The following DLG5 variants were observed in gnomAD, a reference collection of about 807,000 sequenced individuals.
The protein encoded by DLG5 is disks large homolog 5.
A neutral mutation model predicts 189.8 loss-of-function variants in DLG5; 48 were observed. The observed-to-expected ratio is 0.25, with a 90% confidence interval of 0.20 to 0.32. The LOEUF (loss-of-function observed/expected upper bound fraction) is 0.32. Among genes scored for constraint, DLG5 ranks in the 10% least tolerant of loss-of-function variants. DLG5 has a pLI of 1.00. For synonymous variants in DLG5, 1,016 were observed against 1,054.1 expected (o/e 0.96, Z 0.70); for missense variants, 2,160 against 2,544.7 (o/e 0.85, Z 3.25).
intron 2 of DLG5, among the ~76,000 whole-genome samples, chr10:77,860,300 T>C (rs963703374): frequency 1.3e-5 from 2 of 152,114 alleles, no homozygotes; most frequent in African/African-American, 4.8e-5. Flanking sequence ...TTTTTTTGGT[T>C]GGTTTTGTTT....
At chr10:77,871,531 T>C in intron 1 of DLG5, among the ~76,000 whole-genome samples, 1 of 134,540 alleles carries the variant, frequency 7.4e-6, no homozygotes, top group African/African-American at 2.7e-5. Flanking sequence ...ACAATAAGCA[T>C]CACACTTTTT....
intron 26 of DLG5, 40 bp downstream of exon 26, chr10:77,806,718 A>AGGCCGCCCC: frequency 7.5e-7 from 1 of 1,333,654 alleles, no homozygotes; most frequent in Non-Finnish European, 1.1e-6. Flanking sequence ...GCCCTCGGCG[A>AGGCCGCCCC]CCCCTGCCCC....
chr10:77,854,173 C>A, intron 4 of DLG5, 54 bp downstream of exon 4: 1 of 1,593,970 alleles, frequency 6.3e-7, no homozygotes, highest in South Asian at 1.1e-5. Context: ...AAAAGAAGGG[C>A]AAAGGCAGCT....
intron 27 of DLG5, among the ~76,000 whole-genome samples, chr10:77,804,965 G>C (rs1302503066): frequency 6.6e-6 from 1 of 152,066 alleles, no homozygotes; most frequent in Non-Finnish European, 1.5e-5. Context: ...GCTAAAACAT[G>C]CCTTTTCTTT....
chr10:77,818,290 C>T (rs562787028), intron 17 of DLG5, among the ~76,000 whole-genome samples: 57 of 152,226 alleles, frequency 3.7e-4, no homozygotes, highest in South Asian at 1.0e-3. Context: ...GTGCCTCACT[C>T]GGGACAGCGT....
At position 77,799,336 on chromosome 10, in the gene DLG5, G is replaced by A. The variant is rs150342957; in HGVS notation, c.5165-2742C>T. 4.9e-3 allele frequency among the ~76,000 whole-genome samples: 751 copies of A among 152,262 alleles called. 5 individuals carry two copies. Among genetic ancestry groups the A allele is most frequent in the African/African-American group, 0.013 (528 of 41,532 alleles). On this transcript the variant is annotated intron_variant, in intron 27 of 31. Transcript: ENST00000372391. ...CCTAAGCCCCAGTGTGACTACCTTTGGAGACGGAGTCTTCAGGAGGTAAGT... is the reference window on the plus strand; with the variant it reads ...CCTAAGCCCCAGTGTGACTACCTTTAGAGACGGAGTCTTCAGGAGGTAAGT...
At chr10:77,795,803 C>A (rs183808768) in intron 29 of DLG5, among the ~76,000 whole-genome samples, 167 of 152,300 alleles carry the variant, frequency 1.1e-3, no homozygotes, top group Non-Finnish European at 1.9e-3. Flanking sequence ...AGATGAGACC[C>A]CCCGCACCTG....
At chr10:77,878,043 C>T (rs1016011226) in intron 1 of DLG5, among the ~76,000 whole-genome samples, 1 of 152,242 alleles carries the variant, frequency 6.6e-6, no homozygotes, top group Non-Finnish European at 1.5e-5. Flanking sequence ...AGGCAGGAAG[C>T]AGCTCTCTGA....
rs1272295188 is a variant in DLG5, at chr10:77,821,164, C to T, written c.3320G>A (p.Gly1107Glu). Residue 1107 changes from glycine (G) to glutamate (E), a missense_variant, in exon 15 of 32, where the codon GGG (glycine) becomes GAG (glutamate). Around this residue, in one of 5 missense-constraint regions of DLG5, gnomAD observed 754 missense variants for 746.5 expected, o/e 1.01. Transcript: ENST00000372391. Reference sequence around the variant, plus strand: ...AGATTTTGGCCGGCGACGCTTCTGCCCCAGCTCATCCACCTTCTGGGAGGT... The same window carrying T: ...AGATTTTGGCCGGCGACGCTTCTGCTCCAGCTCATCCACCTTCTGGGAGGT... ...DLTSQKVDEL[G>E]QKRRRPKSAP... The T allele has an allele frequency of 3.1e-6, 5 of 1,614,044 alleles. No individual in the cohort carries two copies. The African/African-American group carries it at 6.7e-5, about 22-fold the overall frequency.
chr10:77,810,947 C>T (rs1841735268), intron 23 of DLG5, 147 bp downstream of exon 23: 6 of 944,516 alleles, frequency 6.4e-6, no homozygotes, highest in Non-Finnish European at 7.6e-6. Flanking sequence ...AAAGGAATGC[C>T]GTGCTCCCGG....
intron 1 of DLG5, among the ~76,000 whole-genome samples, chr10:77,873,351 G>A (rs2154577173): frequency 6.6e-6 from 1 of 152,262 alleles, no homozygotes; most frequent in Middle Eastern, 3.4e-3. Context: ...GAGTCCACAG[G>A]TGGGATGCAC....
chr10:77,844,318 T>G (rs1436991325), intron 5 of DLG5, among the ~76,000 whole-genome samples: 1 of 152,216 alleles, frequency 6.6e-6, no homozygotes, highest in East Asian at 1.9e-4. Flanking sequence ...AGGAGAGGAT[T>G]CTTGGAAACT....
rs533108661 is a variant in DLG5, at chr10:77,836,029, G to T, written c.1438-107C>A. ...AGGCTGAGGCTCTAGGGAGCTGGATGGAGGGAAACACGGAGCCCATCGCAG... is the reference window on the plus strand; with the variant it reads ...AGGCTGAGGCTCTAGGGAGCTGGATTGAGGGAAACACGGAGCCCATCGCAG... On this transcript the variant is annotated intron_variant, in intron 7 of 31. Transcript: ENST00000372391. 10 of 1,216,262 alleles carry T rather than the reference G, an allele frequency of 8.2e-6. No homozygotes were observed. The Admixed American group carries it at 1.9e-4, about 24-fold the overall frequency. The allele number at this position is 1,216,262 out of a possible 1,614,324, so 75.3% of individuals were successfully genotyped here.
chr10:77,888,385 C>T (rs1394196101), intron 1 of DLG5, among the ~76,000 whole-genome samples: 3 of 152,152 alleles, frequency 2.0e-5, no homozygotes, highest in Non-Finnish European at 2.9e-5. Context: ...GCACCTCTTC[C>T]CTCGGGTGAC....
chr10:77,864,239 A>G (rs1844584630), intron 2 of DLG5, among the ~76,000 whole-genome samples: 1 of 152,154 alleles, frequency 6.6e-6, no homozygotes, highest in South Asian at 2.1e-4. Flanking sequence ...CCTTGGTCTT[A>G]CAGCTGGGCA....
At position 77,830,828 on chromosome 10, in the gene DLG5, C is replaced by G. The variant is rs1842862409; in HGVS notation, c.1794G>C (p.Gln598His). 1 of 1,614,230 alleles carries G rather than the reference C, an allele frequency of 6.2e-7. No individual in the cohort carries two copies. Among genetic ancestry groups the G allele is most frequent in the Non-Finnish European group, 8.5e-7 (1 of 1,180,044 alleles). The change falls in exon 10 of 32, where the codon CAG (glutamine) becomes CAC (histidine). Residue 598 changes from glutamine to histidine, a missense_variant. Transcript: ENST00000372391. ...SQLEKEARFR[Q>H]LMAHSSHDSA... ...AGTCGTGGGAGCTGTGGGCCATCAG[C>G]TGTCGGAACCGGGCCTCCTTTTCCA...
Position 77,806,738 on chromosome 10 carries a change from C to CCCCCCCCCCCCCCCA in DLG5, c.4967+19_4967+20insTGGGGGGGGGGGGGG. ...CGGCGACCCCTGCCCCACCCCACCC[C>CCCCCCCCCCCCCCCA]AGGCCCGGAGAACACTTACACATAT... On this transcript the variant is annotated intron_variant, in intron 26 of 31. Coordinates refer to ENST00000372391, the MANE Select transcript of DLG5 (RefSeq NM_004747.4). The CCCCCCCCCCCCCCCA allele has an allele frequency of 1.3e-6, 2 of 1,574,702 alleles. No homozygotes were observed. The highest frequency in any genetic ancestry group is 1.7e-6 in the Non-Finnish European group (2 of 1,147,896).
intron 13 of DLG5, 34 bp from the exon 14 acceptor site, chr10:77,824,510 G>A (rs1568156067): frequency 1.3e-6 from 2 of 1,567,382 alleles, no homozygotes; most frequent in Non-Finnish European, 1.8e-6. Context: ...CAGGCCACAG[G>A]CAGAGCGGCC....
At chr10:77,861,796 A>G (rs1564558118) in intron 2 of DLG5, among the ~76,000 whole-genome samples, 1 of 152,186 alleles carries the variant, frequency 6.6e-6, no homozygotes, top group Non-Finnish European at 1.5e-5. Flanking sequence ...CCACTCCACA[A>G]CAATGCCTCC....
Sources: gnomAD v4.1 joint callset for allele counts (sites outside exome capture counted in the v4.1 genomes callset) on GRCh38, gnomAD v4.1.1 for gene constraint, gnomAD v4.1.1 regional missense constraint, MANE v1.5 for transcripts, NCBI Gene and HGNC (gene_info 2026-07-23, HGNC 2026-07-21) for gene names.